The following FKBP9 variants were observed in gnomAD, a reference collection of about 807,000 sequenced individuals.
FKBP9 encodes the protein FKBP prolyl isomerase 9, also known as peptidyl-prolyl cis-trans isomerase FKBP9.
FKBP9 carries 27 observed loss-of-function variants against 55.6 expected under a neutral mutation model. The observed-to-expected ratio is 0.49, with a 90% CI of 0.36 to 0.67. The LOEUF (loss-of-function observed/expected upper bound fraction) is 0.67, where lower values mean the gene tolerates loss of function less well. FKBP9 is among the 30% of genes least tolerant of loss of function. The pLI is 0.00. For missense variants in FKBP9, 539 were observed against 742.8 expected (o/e 0.73, Z 3.19); for synonymous variants, 267 against 296.5 (o/e 0.90, Z 1.02).
At chr7:32,987,797 C>T (rs1315651721) in intron 5 of FKBP9, among the ~76,000 whole-genome samples, 1 of 152,184 alleles carries the variant, frequency 6.6e-6, no homozygotes, top group Non-Finnish European at 1.5e-5. Flanking sequence ...CCACATCCAG[C>T]TAAGTTTTGT....
chr7:32,959,649 G>C (rs912767371), intron 1 of FKBP9, among the ~76,000 whole-genome samples: 4 of 152,062 alleles, frequency 2.6e-5, no homozygotes, highest in Non-Finnish European at 5.9e-5. Flanking sequence ...TTTCAGCCAC[G>C]AATCCACTTT....
rs1785039157 is a variant in FKBP9, at chr7:33,006,215, T to C, written c.*864T>C. ...TCACTGCAGCCTCCGCCTCCCGTAT[T>C]CAAGCGATTCTCCTGTCTCAGCCTC... On this transcript the variant is annotated 3_prime_UTR_variant, in exon 10 of 10. Coordinates refer to ENST00000242209, the MANE Select transcript of FKBP9 (RefSeq NM_007270.5). The C allele has an allele frequency of 2.1e-5, 4 of 194,582 alleles. No individual in the cohort carries two copies. Among genetic ancestry groups the C allele is most frequent in the Non-Finnish European group, 3.2e-5 (3 of 93,864 alleles). 12.1% of individuals were successfully genotyped at this position (194,582 alleles called of 1,614,324 possible). A position where few individuals can be genotyped will look rare whatever the true frequency, so the allele number is the denominator to read the frequency against.
rs376303998 is a variant in FKBP9, at chr7:32,976,361, C to T, written c.565C>T (p.Arg189Cys). ...DGTLFDSSHN[R>C]MKTYDTYVGI... ...TTTCTCATTACCTTTCAGTCACAAT[C>T]GCATGAAAACATATGACACGTATGT... Residue 189 changes from arginine to cysteine, a missense_variant, in exon 4 of 10, where the codon CGC becomes TGC. Coordinates refer to ENST00000242209, the MANE Select transcript of FKBP9 (RefSeq NM_007270.5). The T allele has an allele frequency of 5.0e-6, 8 of 1,613,740 alleles. No homozygotes were observed. Among genetic ancestry groups the T allele is most frequent in the East Asian group, 2.2e-5 (1 of 44,894 alleles).
chr7:32,959,768 G>A (rs188372928), intron 1 of FKBP9, among the ~76,000 whole-genome samples: 37 of 152,258 alleles, frequency 2.4e-4, no homozygotes, highest in African/African-American at 8.7e-4. Flanking sequence ...TTCATTTACG[G>A]TGTAAGGTAT....
At chr7:33,005,095 C>A (rs1785007734) in intron 9 of FKBP9, 80 bp from the exon 10 acceptor site, 1 of 1,557,996 alleles carries the variant, frequency 6.4e-7, no homozygotes, top group Admixed American at 1.8e-5. Flanking sequence ...CTGTCACCCC[C>A]AGACTGCTCT....
intron 1 of FKBP9, among the ~76,000 whole-genome samples, chr7:32,965,102 C>T (rs201539572): frequency 0.14 from 15,437 of 109,610 alleles, no homozygotes; most frequent in Non-Finnish European, 0.15. Context: ...ACTTTGCCTC[C>T]CTTCTGTTAT....
chr7:32,980,299 T>A (rs1784449253), intron 4 of FKBP9, 65 bp from the exon 5 acceptor site: 4 of 1,404,734 alleles, frequency 2.8e-6, no homozygotes, highest in Non-Finnish European at 2.9e-6. Context: ...CCCAAGCCTG[T>A]TGAGTTGTAA....
chr7:32,976,372 A>G lies in FKBP9; in HGVS notation c.576A>G (p.Thr192=), dbSNP rs1448675016. 10 of 1,613,952 alleles carry G rather than the reference A, an allele frequency of 6.2e-6. No individual in the cohort carries two copies. Among genetic ancestry groups the G allele is most frequent in the East Asian group, 2.2e-5 (1 of 44,876 alleles). ...CTTTCAGTCACAATCGCATGAAAAC[A>G]TATGACACGTATGTGGGAATTGGCT... ...LFDSSHNRMK[T]YDTYVGIGWL... Residue 192 remains threonine, a synonymous_variant, in exon 4 of 10, where the codon ACA becomes ACG. Transcript: ENST00000242209.
At chr7:32,963,004 A>G (rs1234507289) in intron 1 of FKBP9, among the ~76,000 whole-genome samples, 1 of 152,190 alleles carries the variant, frequency 6.6e-6, no homozygotes. Context: ...GCCAGCATGC[A>G]GTGAGTGCCT....
chr7:32,983,674 T>C (rs141375912), intron 5 of FKBP9, among the ~76,000 whole-genome samples: 3,128 of 152,356 alleles, frequency 0.021, 45 homozygotes, highest in Non-Finnish European at 0.031. Context: ...AGGAAGGTTT[T>C]ACTCAGCATC....
At chr7:32,993,503 T>C (rs1784724157) in intron 6 of FKBP9, among the ~76,000 whole-genome samples, 1 of 152,220 alleles carries the variant, frequency 6.6e-6, no homozygotes, top group South Asian at 2.1e-4. Context: ...GCATAATGTT[T>C]TCAAGGTCTA....
chr7:32,976,029 G>A (rs1178122890), intron 3 of FKBP9, among the ~76,000 whole-genome samples: 1 of 152,202 alleles, frequency 6.6e-6, no homozygotes, highest in Non-Finnish European at 1.5e-5. Context: ...GGGAAAAGAT[G>A]AATGTATGTG....
chr7:32,985,942 G>T (rs537487490), intron 5 of FKBP9, among the ~76,000 whole-genome samples: 1 of 152,128 alleles, frequency 6.6e-6, no homozygotes, highest in Non-Finnish European at 1.5e-5. Flanking sequence ...GCAGTGAGCC[G>T]AGATCTTACC....
At chr7:32,973,409 C>G (rs1279856612) in intron 1 of FKBP9, among the ~76,000 whole-genome samples, 1 of 152,008 alleles carries the variant, frequency 6.6e-6, no homozygotes, top group Non-Finnish European at 1.5e-5. Flanking sequence ...TGGCATAACA[C>G]TTAGGTTTTC....
intron 6 of FKBP9, among the ~76,000 whole-genome samples, chr7:32,992,429 A>G (rs374997673): frequency 1.3e-5 from 2 of 152,074 alleles, no homozygotes; most frequent in East Asian, 3.9e-4. Context: ...TGGGTGGGCT[A>G]TTGGCCGCTT....
At chr7:33,002,261 G>A (rs1467965929) in intron 8 of FKBP9, among the ~76,000 whole-genome samples, 1 of 151,978 alleles carries the variant, frequency 6.6e-6, no homozygotes, top group Non-Finnish European at 1.5e-5. Flanking sequence ...AGCTTCCCGA[G>A]TAGCTGGGAC....
At chr7:32,992,996 T>C (rs902949067) in intron 6 of FKBP9, 3 of 231,722 alleles carry the variant, frequency 1.3e-5, no homozygotes, top group Non-Finnish European at 2.6e-5. Flanking sequence ...TCTACACTGG[T>C]TGGAATTCTT....
At chr7:32,967,370 A>T (rs936354435) in intron 1 of FKBP9, among the ~76,000 whole-genome samples, 3 of 152,200 alleles carry the variant, frequency 2.0e-5, no homozygotes, top group Non-Finnish European at 4.4e-5. Context: ...CCACTGAACA[A>T]CTTCTCTGCA....
intron 7 of FKBP9, among the ~76,000 whole-genome samples, chr7:32,997,565 C>G (rs567374570): frequency 1.6e-4 from 24 of 152,342 alleles, no homozygotes; most frequent in Admixed American, 3.9e-4. Flanking sequence ...TGCGGTGGCT[C>G]ATGCCTGTAA....
Sources: allele counts gnomAD v4.1 joint callset (sites outside exome capture counted in the v4.1 genomes callset), GRCh38; gene constraint gnomAD v4.1.1; transcripts MANE v1.5; gene names NCBI Gene and HGNC (gene_info 2026-07-23, HGNC 2026-07-21).